Variants in GRIN2A observed in about 807,000 individuals in gnomAD.
GRIN2A encodes the protein glutamate ionotropic receptor NMDA type subunit 2A.
A neutral mutation model predicts 113.4 loss-of-function variants in GRIN2A; 22 were observed. The observed-to-expected ratio is 0.19, with a 90% confidence interval of 0.14 to 0.28. The LOEUF is 0.28. Ranked by LOEUF, GRIN2A falls within the 10% of genes least tolerant of loss-of-function variation. The pLI is 1.00. For missense variants in GRIN2A, 1,502 were observed against 1,887.0 expected (o/e 0.80, Z 3.78); for synonymous variants, 827 against 738.4 (o/e 1.12, Z -1.94).
chr16:9,937,354 G>T lies in GRIN2A; in HGVS notation c.1007+605C>A, dbSNP rs549761250. 6.6e-5 allele frequency among the ~76,000 whole-genome samples: 10 copies of T among 152,186 alleles called. No individual in the cohort carries two copies. In the South Asian group the frequency reaches 2.1e-3, roughly 32 times the overall value. ...AATGACTTGTGTATTTTAACATAAA[G>T]AATATAATTGAATTGTTTGTAACTG... On this transcript the variant is annotated intron_variant, in intron 3 of 12. Transcript: ENST00000330684.
intron 11 of GRIN2A, among the ~76,000 whole-genome samples, chr16:9,789,443 A>G (rs1359668966): frequency 2.0e-5 from 3 of 152,130 alleles, no homozygotes; most frequent in African/African-American, 7.2e-5. Context: ...TGGAAGAACC[A>G]TGAGTTCTGA....
intron 2 of GRIN2A, among the ~76,000 whole-genome samples, chr16:10,066,614 G>A (rs1337200644): frequency 2.0e-5 from 3 of 152,158 alleles, no homozygotes; most frequent in African/African-American, 4.8e-5. Flanking sequence ...AGAGACCCAT[G>A]TTTCCACCCA....
rs566643084 is a variant in GRIN2A at position 9,762,964 on chromosome 16, A to G, written c.*185T>C. 1.7e-4 allele frequency: 111 copies of G among 651,166 alleles called. No homozygotes were observed. The highest frequency in any genetic ancestry group is 8.9e-4 in the Admixed American group (34 of 38,326). The allele number at this position is 651,166 out of a possible 1,614,324, so 40.3% of individuals were successfully genotyped here. A position where few individuals can be genotyped will look rare whatever the true frequency, so the allele number is the denominator to read the frequency against. On this transcript the variant is annotated 3_prime_UTR_variant, in exon 13 of 13. Transcript: ENST00000330684. The stretch of plus-strand genomic sequence containing the variant: ...CTGCCATGCTCAGCACACACCTCAC[A>G]AGATTCCTTGAGTGGAAGATTATGG...
rs528717284 is a variant in GRIN2A, at chr16:10,100,475, A to G, written c.414+79523T>C. ...TGTTGGTCAAGTTACTTCTTTCTGC[A>G]CCTCCATTTCCTCATCTGTAAACTG... On this transcript the variant is annotated intron_variant, in intron 2 of 12. Coordinates refer to ENST00000330684, the MANE Select transcript of GRIN2A (RefSeq NM_001134407.3). 1.4e-4 allele frequency among the ~76,000 whole-genome samples: 22 copies of G among 152,246 alleles called. 1 individual carries two copies. In the South Asian group the frequency reaches 4.1e-3, roughly 29 times the overall value.
rs1266950608 is a variant in GRIN2A at position 10,098,893 on chromosome 16, C to G, written c.414+81105G>C. Among the ~76,000 whole-genome samples the G allele has an allele frequency of 3.3e-5, 5 of 151,862 alleles. No individual in the cohort carries two copies. In the East Asian group the frequency reaches 5.8e-4, roughly 18 times the overall value. On this transcript the variant is annotated intron_variant, in intron 2 of 12. Transcript: ENST00000330684. Reference sequence around the variant, plus strand: ...GGTGCACCAAAATCTCAGAAATCATCACTGAACTACTCATGTAACCAAATA... The same window carrying G: ...GGTGCACCAAAATCTCAGAAATCATGACTGAACTACTCATGTAACCAAATA...
At chr16:10,003,958 G>C (rs138427538) in intron 2 of GRIN2A, among the ~76,000 whole-genome samples, 1 of 152,150 alleles carries the variant, frequency 6.6e-6, no homozygotes, top group Admixed American at 6.5e-5. Context: ...TCTCTCCTGG[G>C]AAGAAATCTT....
chr16:10,172,774 T>C (rs2050068449), intron 2 of GRIN2A, among the ~76,000 whole-genome samples: 1 of 152,166 alleles, frequency 6.6e-6, no homozygotes, highest in Admixed American at 6.5e-5. Context: ...TGGCAAAGAA[T>C]TAGAAGTTGA....
At chr16:9,981,831 G>C (rs551274761) in intron 2 of GRIN2A, among the ~76,000 whole-genome samples, 7 of 152,270 alleles carry the variant, frequency 4.6e-5, no homozygotes, top group African/African-American at 1.4e-4. Context: ...CTTTTGCCCA[G>C]GCTGGAGTGC....
chr16:9,860,712 C>A (rs1311780318), intron 4 of GRIN2A, among the ~76,000 whole-genome samples: 1 of 152,032 alleles, frequency 6.6e-6, no homozygotes, highest in Non-Finnish European at 1.5e-5. Context: ...ATGACACAGG[C>A]CATGATGGTC....
At chr16:9,990,832 C>T (rs1404985642) in intron 2 of GRIN2A, among the ~76,000 whole-genome samples, 4 of 152,002 alleles carry the variant, frequency 2.6e-5, no homozygotes, top group Non-Finnish European at 5.9e-5. Context: ...TTTGGGAGGC[C>T]GAGGCAGGTG....
chr16:9,874,855 G>A (rs1326494567), intron 4 of GRIN2A, among the ~76,000 whole-genome samples: 1 of 151,938 alleles, frequency 6.6e-6, no homozygotes, highest in African/African-American at 2.4e-5. Flanking sequence ...GGAGGCCAAG[G>A]CAGGCAGATT....
At chr16:9,769,324 A>AAT (rs202206537) in intron 11 of GRIN2A, 31 of 243,666 alleles carry the variant, frequency 1.3e-4, no homozygotes, top group East Asian at 2.8e-4. Context: ...TAGAGAATAT[A>AAT]ATATATATAT....
At chr16:9,817,969 C>A (rs185452317) in intron 10 of GRIN2A, among the ~76,000 whole-genome samples, 2 of 151,746 alleles carry the variant, frequency 1.3e-5, no homozygotes, top group African/African-American at 2.4e-5. Context: ...TTCAACCTTC[C>A]AGAGGGATGG....
Position 10,180,374 on chromosome 16 carries a change from G to A in GRIN2A, c.38C>T (p.Pro13Leu), listed in dbSNP as rs367543131. 9 of 1,607,750 alleles carry A rather than the reference G, an allele frequency of 5.6e-6. No individual in the cohort carries two copies. Among genetic ancestry groups the A allele is most frequent in the Admixed American group, 5.0e-5 (3 of 59,986 alleles). Reference protein sequence around the residue: ...RVGYWTLLVLPALLVWRGPAP... With the variant: ...RVGYWTLLVLLALLVWRGPAP... ...CGGACCGCGCCAGACCAGAAGGGCC[G>A]GCAGCACCAGCAGGGTCCAATAGCC... The change falls in exon 2 of 13, where the codon CCG becomes CTG. Residue 13 changes from proline (P) to leucine (L), a missense_variant. Coordinates refer to ENST00000330684, the MANE Select transcript of GRIN2A (RefSeq NM_001134407.3). The surrounding 1 kb of genome is among the most constrained non-coding windows in gnomAD (Gnocchi z 7.0).
intron 3 of GRIN2A, among the ~76,000 whole-genome samples, chr16:9,895,713 G>A (rs577443375): frequency 2.2e-4 from 34 of 152,306 alleles, no homozygotes; most frequent in African/African-American, 6.0e-4. Flanking sequence ...CTCAGCTAGC[G>A]AAAATAAGTT....
chr16:9,923,575 G>T lies in GRIN2A; in HGVS notation c.1007+14384C>A, dbSNP rs181859562. Among the ~76,000 whole-genome samples the T allele has an allele frequency of 5.0e-3, 757 of 151,690 alleles. 7 individuals are homozygous for T. Among genetic ancestry groups the T allele is most frequent in the African/African-American group, 0.016 (666 of 41,328 alleles). On this transcript the variant is annotated intron_variant, in intron 3 of 12. Transcript: ENST00000330684. Reference sequence around the variant, plus strand: ...GTGGCTTATTAGCCAGAGCATTGGGGTTTTTTTAATGTTAGTGGTTTGTTT... The same window carrying T: ...GTGGCTTATTAGCCAGAGCATTGGGTTTTTTTTAATGTTAGTGGTTTGTTT...
intron 2 of GRIN2A, among the ~76,000 whole-genome samples, chr16:10,047,938 C>A (rs911715556): frequency 6.6e-6 from 1 of 152,136 alleles, no homozygotes; most frequent in African/African-American, 2.4e-5. Flanking sequence ...GGTGGGCTCC[C>A]TCTCCTTTTA....
chr16:10,012,986 T>G (rs142981234), intron 2 of GRIN2A, among the ~76,000 whole-genome samples: 1 of 152,344 alleles, frequency 6.6e-6, no homozygotes, highest in East Asian at 1.9e-4. Context: ...TCTAGAAAGC[T>G]GGCCCAATTT....
In GRIN2A at chr16:9,813,690, A is replaced by G. The variant is rs367570473; in HGVS notation, c.2168+8574T>C. Among the ~76,000 whole-genome samples, 4 of 135,838 alleles carry G rather than the reference A, an allele frequency of 2.9e-5. 1 individual carries two copies. The Admixed American group carries it at 3.0e-4, about 10-fold the overall frequency. 89.1% of individuals were successfully genotyped at this position (135,838 alleles called of 152,430 possible). A position where few individuals can be genotyped will look rare whatever the true frequency, so the allele number is the denominator to read the frequency against. On this transcript the variant is annotated intron_variant, in intron 10 of 12. Coordinates refer to ENST00000330684, the MANE Select transcript of GRIN2A (RefSeq NM_001134407.3). ...ACCAGGAAATAATTCCAAGAACCCC[A>G]CCCCCCCGCAAAAAAAAAAAAGATG...
Sources: allele counts gnomAD v4.1 joint callset (sites outside exome capture counted in the v4.1 genomes callset), GRCh38; gene constraint gnomAD v4.1.1; non-coding constraint Gnocchi (gnomAD v3.1); transcripts MANE v1.5; gene names NCBI Gene and HGNC (gene_info 2026-07-23, HGNC 2026-07-21).